HTR2C: variants seen among roughly 807,000 people sequenced by gnomAD.
HTR2C encodes 5-hydroxytryptamine receptor 2C.
HTR2C carries 5 observed loss-of-function variants against 21.0 expected under a neutral mutation model. That is an observed-to-expected ratio of 0.24 (90% CI 0.12 to 0.50). The LOEUF (loss-of-function observed/expected upper bound fraction) is 0.50. HTR2C is among the 20% of genes least tolerant of loss of function. The pLI is 0.98. For synonymous variants in HTR2C, 150 were observed against 145.3 expected (o/e 1.03, Z -0.23); for missense variants, 271 against 371.2 (o/e 0.73, Z 2.22).
intron 2 of HTR2C, among the ~76,000 whole-genome samples, chrX:114,681,892 C>T (rs1931759575): frequency 9.0e-6 from 1 of 111,101 alleles, no homozygotes; most frequent in African/African-American, 3.3e-5. Context: ...TAAACATGAG[C>T]CTTCAGATAC....
intron 4 of HTR2C, chrX:114,823,519 G>A: frequency 2.9e-6 from 1 of 346,648 alleles, no homozygotes; most frequent in Non-Finnish European, 5.8e-6. Context: ...GAGGGGGCTG[G>A]CTGGTTGCAT....
At chrX:114,616,510 C>T (rs1374738359) in intron 2 of HTR2C, among the ~76,000 whole-genome samples, 5 of 110,969 alleles carry the variant, frequency 4.5e-5, no homozygotes, top group African/African-American at 1.6e-4. Context: ...TGGTCTTGAT[C>T]TCCTGACCTC....
At chrX:114,623,066 A>C (rs1393680072) in intron 2 of HTR2C, among the ~76,000 whole-genome samples, 3 of 112,009 alleles carry the variant, frequency 2.7e-5, no homozygotes, top group Admixed American at 9.5e-5. Flanking sequence ...CAAACAAGAG[A>C]GATATTAAAT....
intron 4 of HTR2C, among the ~76,000 whole-genome samples, chrX:114,803,006 T>C (rs1163392799): frequency 1.2e-5 from 1 of 83,588 alleles, no homozygotes; most frequent in Admixed American, 1.5e-4. Context: ...CTTGTGATAG[T>C]TTACTGAGAA....
At chrX:114,897,453 T>C (rs148331004) in intron 5 of HTR2C, among the ~76,000 whole-genome samples, 2,890 of 110,669 alleles carry the variant, frequency 0.026, 118 homozygotes, top group African/African-American at 0.091. Flanking sequence ...GATGTGCAGG[T>C]TTCTTACATA....
intron 5 of HTR2C, among the ~76,000 whole-genome samples, chrX:114,869,994 G>T (rs1322014402): frequency 3.6e-5 from 4 of 111,660 alleles, no homozygotes; most frequent in Non-Finnish European, 7.5e-5. Flanking sequence ...AACCATCCTT[G>T]CATCCTGGGA....
chrX:114,806,340 CAT>C (rs1407853409), intron 4 of HTR2C, among the ~76,000 whole-genome samples: 5 of 92,777 alleles, frequency 5.4e-5, no homozygotes, highest in Non-Finnish European at 2.1e-5. Context: ...ATATATACAC[CAT>C]ATATATACAC....
intron 2 of HTR2C, among the ~76,000 whole-genome samples, chrX:114,671,169 A>G (rs1239306637): frequency 8.9e-6 from 1 of 111,968 alleles, no homozygotes; most frequent in East Asian, 2.8e-4. Context: ...ACAGATTAAC[A>G]TTCAAATTTT....
intron 4 of HTR2C, among the ~76,000 whole-genome samples, chrX:114,839,925 T>A (rs1394827131): frequency 9.1e-6 from 1 of 110,315 alleles, no homozygotes; most frequent in Non-Finnish European, 1.9e-5. Flanking sequence ...ATAAATGAAC[T>A]GAATTGACAT....
At chrX:114,651,596 A>G (rs782267498) in intron 2 of HTR2C, 2 of 125,280 alleles carry the variant, frequency 1.6e-5, no homozygotes, top group Non-Finnish European at 3.8e-5. Flanking sequence ...CAATACCCAG[A>G]GCATGCAGTG....
At chrX:114,819,301 T>C (rs1556455523) in intron 4 of HTR2C, among the ~76,000 whole-genome samples, 1 of 112,040 alleles carries the variant, frequency 8.9e-6, no homozygotes, top group Non-Finnish European at 1.9e-5. Context: ...ATTTCTGTTA[T>C]TAAATATAGT....
In HTR2C at chrX:114,908,607, ACT is replaced by A. The variant is rs1185136179; in HGVS notation, c.*1197_*1198del. On this transcript the variant is annotated 3_prime_UTR_variant, in exon 6 of 6. Coordinates refer to ENST00000276198, the MANE Select transcript of HTR2C (RefSeq NM_000868.4). ...TTATGTCATTTTCAGATCCTTCCAA[ACT>A]CTCTAGTGCAGGAAAAGGCTGCAGC... 3 of 112,146 alleles carry A rather than the reference ACT, an allele frequency of 2.7e-5. No homozygotes were observed. Among genetic ancestry groups the A allele is most frequent in the Non-Finnish European group, 5.6e-5 (3 of 53,133 alleles). The allele number at this position is 112,146 out of a possible 1,213,427, so 9.2% of individuals were successfully genotyped here.
chrX:114,672,938 G>A (rs1444623484), intron 2 of HTR2C, among the ~76,000 whole-genome samples: 4 of 111,898 alleles, frequency 3.6e-5, no homozygotes, highest in Non-Finnish European at 5.6e-5. Flanking sequence ...AGACTAATGT[G>A]GATCTGGAGG....
At chrX:114,767,976 A>G (rs782165881) in intron 4 of HTR2C, among the ~76,000 whole-genome samples, 1 of 110,595 alleles carries the variant, frequency 9.0e-6, no homozygotes, top group African/African-American at 3.3e-5. Context: ...TTTCCACTAA[A>G]CATTATAGTA....
At chrX:114,825,027 T>C (rs2070667008) in intron 4 of HTR2C, among the ~76,000 whole-genome samples, 1 of 111,998 alleles carries the variant, frequency 8.9e-6, no homozygotes, top group Non-Finnish European at 1.9e-5. Context: ...TCTTAGTCGA[T>C]CTGTTGAGAG....
intron 4 of HTR2C, among the ~76,000 whole-genome samples, chrX:114,750,605 G>T (rs183655891): frequency 2.7e-5 from 3 of 111,545 alleles, no homozygotes; most frequent in Non-Finnish European, 5.6e-5. Flanking sequence ...TTTAATTCTC[G>T]CAAACCATAT....
At chrX:114,727,589 G>A (rs782032585) in intron 3 of HTR2C, among the ~76,000 whole-genome samples, 9 of 111,759 alleles carry the variant, frequency 8.1e-5, no homozygotes, top group South Asian at 3.8e-4. Flanking sequence ...GGTTTCTTCC[G>A]AACCTGCTTT....
At position 114,744,553 on chromosome X, in the gene HTR2C, C is replaced by T. The variant is rs782065696; in HGVS notation, c.349+12946C>T. 1.1e-4 allele frequency among the ~76,000 whole-genome samples: 12 copies of T among 108,040 alleles called. No homozygotes were observed. In the South Asian group the frequency reaches 5.0e-3, roughly 45 times the overall value. 93.8% of individuals were successfully genotyped at this position (108,040 alleles called of 115,157 possible). A position where few individuals can be genotyped will look rare whatever the true frequency, so the allele number is the denominator to read the frequency against. On this transcript the variant is annotated intron_variant, in intron 4 of 5. Coordinates refer to ENST00000276198, the MANE Select transcript of HTR2C (RefSeq NM_000868.4). ...CTGCAAGCTCTGCCTCCCAGGTTCACGCCATTCTTCTGCCTCAGCCTCCCG... is the reference window on the plus strand; with the variant it reads ...CTGCAAGCTCTGCCTCCCAGGTTCATGCCATTCTTCTGCCTCAGCCTCCCG...
chrX:114,780,502 A>G (rs782720882), intron 4 of HTR2C, among the ~76,000 whole-genome samples: 3 of 111,750 alleles, frequency 2.7e-5, no homozygotes, highest in Non-Finnish European at 5.6e-5. Flanking sequence ...GAGCTATACC[A>G]TAAGTATAAG....
Sources: gnomAD v4.1 joint callset for allele counts (sites outside exome capture counted in the v4.1 genomes callset) on GRCh38, gnomAD v4.1.1 for gene constraint, MANE v1.5 for transcripts, NCBI Gene and HGNC (gene_info 2026-07-23, HGNC 2026-07-21) for gene names.